Variants in CHRND observed in about 807,000 individuals in gnomAD.
CHRND encodes cholinergic receptor nicotinic delta subunit.
A neutral mutation model predicts 57.8 loss-of-function variants in CHRND; 40 were observed. That is an observed-to-expected ratio of 0.69 (90% CI 0.54 to 0.90). CHRND has a LOEUF of 0.90. CHRND is among the 40% of genes least tolerant of loss of function. CHRND has a pLI of 0.00. For missense variants in CHRND, 634 were observed against 673.9 expected, an observed-to-expected ratio of 0.94 and a Z score of 0.66; for synonymous variants, 237 against 270.6, an observed-to-expected ratio of 0.88 and a Z score of 1.22.
chr2:232,533,865 G>C, intron 9 of CHRND, 66 bp from the exon 10 acceptor site: 1 of 1,532,170 alleles, frequency 6.5e-7, no homozygotes. Flanking sequence ...GACAGAATGA[G>C]ACTCCGTCTC....
At chr2:232,528,695 C>A in intron 5 of CHRND, 39 bp downstream of exon 5, 1 of 1,613,300 alleles carries the variant, frequency 6.2e-7, no homozygotes, top group Non-Finnish European at 8.5e-7. Flanking sequence ...CCCCAAAGCA[C>A]CCTGCCAGAG....
intron 9 of CHRND, among the ~76,000 whole-genome samples, chr2:232,531,895 T>C (rs1691713671): frequency 7.4e-6 from 1 of 135,382 alleles, no homozygotes; most frequent in South Asian, 2.3e-4. Context: ...TGCAGTGAGC[T>C]GTGATCGCGC....
rs121909509 is a variant in CHRND at position 232,527,438 on chromosome 2, T to C, written c.236T>C (p.Ile79Thr). 3.7e-5 allele frequency: 59 copies of C among 1,613,284 alleles called. No individual in the cohort carries two copies. The highest frequency in any genetic ancestry group is 4.7e-5 in the Non-Finnish European group (55 of 1,179,448). The part of the protein sequence containing the change: ...VEETLTTNVW[I>T]EHGWTDNRLK... ...GAGACCCTCACTACCAATGTGTGGA[T>C]AGAGCACGTAAGAATGCCCCTCCCA... Residue 79 changes from isoleucine to threonine, a missense_variant, in exon 3 of 12, where the codon ATA (isoleucine) becomes ACA (threonine). Coordinates refer to ENST00000258385, the MANE Select transcript of CHRND (RefSeq NM_000751.3).
intron 2 of CHRND, 113 bp downstream of exon 2, chr2:232,526,787 C>A: frequency 9.0e-7 from 1 of 1,113,844 alleles, no homozygotes; most frequent in Non-Finnish European, 1.3e-6. Context: ...CACTCCCTTC[C>A]TGGGAAACGT....
intron 3 of CHRND, among the ~76,000 whole-genome samples, chr2:232,527,667 G>A (rs541736074): frequency 6.6e-6 from 1 of 152,120 alleles, no homozygotes. Flanking sequence ...TGGTGTGAAC[G>A]CAGGAGGCGG....
chr2:232,531,820 G>A (rs981434672), intron 9 of CHRND, among the ~76,000 whole-genome samples, 164 bp downstream of exon 9: 5 of 151,568 alleles, frequency 3.3e-5, no homozygotes, highest in South Asian at 4.2e-4. Flanking sequence ...GTGTGGTGGC[G>A]CATGCTTGTA....
intron 6 of CHRND, 46 bp downstream of exon 6, chr2:232,529,017 C>A: frequency 1.5e-6 from 2 of 1,370,784 alleles, no homozygotes; most frequent in Non-Finnish European, 2.1e-6. Context: ...CTCAGACACA[C>A]ACAGACACAC....
rs1559295542 is a variant in CHRND, at chr2:232,530,015, C to T, written c.696C>T (p.Ser232=). 1 of 1,614,206 alleles carries T rather than the reference C, an allele frequency of 6.2e-7. No individual in the cohort carries two copies. The highest frequency in any genetic ancestry group is 8.5e-7 in the Non-Finnish European group (1 of 1,180,034). Residue 232 remains serine, a synonymous_variant, in exon 7 of 12, where the codon AGC becomes AGT. Coordinates refer to ENST00000258385, the MANE Select transcript of CHRND (RefSeq NM_000751.3). ...CCAGAGCCCCTCTGGACAGCCCCAG[C>T]CGCCAGGACATCACCTTCTACCTCA... ...VDPRAPLDSP[S]RQDITFYLII...
At chr2:232,532,614 G>T (rs1192912397) in intron 9 of CHRND, among the ~76,000 whole-genome samples, 1 of 152,180 alleles carries the variant, frequency 6.6e-6, no homozygotes, top group Non-Finnish European at 1.5e-5. Context: ...AGCCCTGCAC[G>T]TGTGAACCTC....
chr2:232,526,762 C>A, intron 2 of CHRND, 88 bp downstream of exon 2: 1 of 1,434,086 alleles, frequency 7.0e-7, no homozygotes, highest in Admixed American at 1.7e-5. Context: ...TAGAAGCCCC[C>A]ACCTGGCCTA....
At chr2:232,527,358 G>T in intron 2 of CHRND, 43 bp from the exon 3 acceptor site, 29 of 1,469,370 alleles carry the variant, frequency 2.0e-5, no homozygotes, top group Non-Finnish European at 2.3e-5. Flanking sequence ...GCGGATAAAA[G>T]AATGATATGG....
rs2853458 is a variant in CHRND at position 232,534,215 on chromosome 2, C to T, written c.1253-9C>T. The T allele has an allele frequency of 4.0e-4, 645 of 1,614,156 alleles. 2 individuals carry two copies. Among genetic ancestry groups the T allele is most frequent in the Middle Eastern group, 1.3e-3 (8 of 6,062 alleles). On this transcript the variant is annotated splice_polypyrimidine_tract_variant and intron_variant, in intron 10 of 11. Coordinates refer to ENST00000258385, the MANE Select transcript of CHRND (RefSeq NM_000751.3). ...AGGCCTCACACCCACTCTGGCCCCTCGTCTGTAGGCCGGCCCCCAGCAAGC... is the reference window on the plus strand; with the variant it reads ...AGGCCTCACACCCACTCTGGCCCCTTGTCTGTAGGCCGGCCCCCAGCAAGC...
rs77084550 is a variant in CHRND at position 232,526,593 on chromosome 2, C to G, written c.117C>G (p.Asn39Lys). Residue 39 changes from asparagine (N) to lysine (K), a missense_variant, in exon 2 of 12, where the codon AAC becomes AAG. Asn to Lys is a moderately conservative substitution (Grantham distance 94). Coordinates refer to ENST00000258385, the MANE Select transcript of CHRND (RefSeq NM_000751.3). Reference protein sequence around the residue: ...IRHLFQEKGYNKELRPVAHKE... With the variant: ...IRHLFQEKGYKKELRPVAHKE... ...ACCTGTTTCAAGAGAAGGGCTACAA[C>G]AAGGAGCTCCGGCCCGTGGCACACA... is the stretch of plus-strand genomic sequence containing the variant. 5,628 of 1,613,824 alleles carry G rather than the reference C, an allele frequency of 3.5e-3. 59 individuals are homozygous for G. In the East Asian group the frequency reaches 0.036, roughly 10 times the overall value.
At chr2:232,528,134 A>G in intron 3 of CHRND, 128 bp from the exon 4 acceptor site, 1 of 826,666 alleles carries the variant, frequency 1.2e-6, no homozygotes, top group South Asian at 1.4e-5. Context: ...CGCACTCTGT[A>G]CCTGCCTTCC....
At chr2:232,529,532 G>A (rs902989725) in intron 6 of CHRND, among the ~76,000 whole-genome samples, 2 of 152,246 alleles carry the variant, frequency 1.3e-5, no homozygotes, top group Non-Finnish European at 2.9e-5. Context: ...GGCCCAGGCC[G>A]AGGAGTGGCT....
At chr2:232,527,317 A>T in intron 2 of CHRND, 84 bp from the exon 3 acceptor site, 1 of 1,211,844 alleles carries the variant, frequency 8.3e-7, no homozygotes, top group Non-Finnish European at 1.2e-6. Flanking sequence ...AAAAAGAGAG[A>T]GAGAGAGAGA....
chr2:232,532,814 C>T (rs1391295758), intron 9 of CHRND, among the ~76,000 whole-genome samples: 2 of 152,152 alleles, frequency 1.3e-5, no homozygotes, highest in Non-Finnish European at 2.9e-5. Context: ...TGTTCACTAT[C>T]TCATCACTGG....
Position 232,535,433 on chromosome 2 carries a change from GGA to G in CHRND, c.*123_*124del. Reference sequence around the variant, plus strand: ...CAGACTGGGGAAGAGTCCAAGGAAGGGAGGGAGCAGCCACTCCTCAATGCTCA... The same window carrying G: ...CAGACTGGGGAAGAGTCCAAGGAAGGGGGAGCAGCCACTCCTCAATGCTCA... On this transcript the variant is annotated 3_prime_UTR_variant, in exon 12 of 12. Coordinates refer to ENST00000258385, the MANE Select transcript of CHRND (RefSeq NM_000751.3). 1 of 1,239,384 alleles carries G rather than the reference GGA, an allele frequency of 8.1e-7. No homozygotes were observed. Among genetic ancestry groups the G allele is most frequent in the Non-Finnish European group, 1.2e-6 (1 of 869,250 alleles). 76.8% of individuals were successfully genotyped at this position (1,239,384 alleles called of 1,614,324 possible).
At position 232,529,966 on chromosome 2, in the gene CHRND, G is replaced by T. The variant is rs746959201; in HGVS notation, c.647G>T (p.Arg216Leu). 3.7e-6 allele frequency: 6 copies of T among 1,614,008 alleles called. No individual in the cohort carries two copies. The highest frequency in any genetic ancestry group is 5.1e-6 in the Non-Finnish European group (6 of 1,179,990). The change falls in exon 7 of 12, where the codon CGG (arginine) becomes CTG (leucine). Residue 216 changes from arginine to leucine, a missense_variant. Arg to Leu is a moderately radical substitution (Grantham distance 102, BLOSUM62 -2). Coordinates refer to ENST00000258385, the MANE Select transcript of CHRND (RefSeq NM_000751.3). ...TENGEWEIVH[R>L]PARVNVDPRA... ...AACGGGGAGTGGGAGATAGTCCACCGGCCGGCCAGGGTCAACGTGGACCCC... is the reference window on the plus strand; with the variant it reads ...AACGGGGAGTGGGAGATAGTCCACCTGCCGGCCAGGGTCAACGTGGACCCC...
Sources: gnomAD v4.1 joint callset for allele counts (sites outside exome capture counted in the v4.1 genomes callset) on GRCh38, gnomAD v4.1.1 for gene constraint, MANE v1.5 for transcripts, NCBI Gene and HGNC (gene_info 2026-07-23, HGNC 2026-07-21) for gene names.